The following JAM3 variants were observed in gnomAD, a reference collection of about 807,000 sequenced individuals.
JAM3 encodes junctional adhesion molecule 3, also known as junctional adhesion molecule C.
JAM3 carries 31 observed loss-of-function variants against 39.4 expected under a neutral mutation model. The observed-to-expected ratio is 0.79, with a 90% CI of 0.59 to 1.06. The LOEUF (loss-of-function observed/expected upper bound fraction) is 1.06, where lower values mean the gene tolerates loss of function less well. Among genes scored for constraint, JAM3 ranks in the 50% least tolerant of loss-of-function variants. JAM3 has a pLI of 0.00. For synonymous variants in JAM3, 182 were observed against 148.7 expected (o/e 1.22, Z -1.63); for missense variants, 455 against 391.4 (o/e 1.16, Z -1.37).
rs1327526294 is a variant in JAM3 at position 134,147,450 on chromosome 11, ACT to A, written c.713-1094_713-1093del. Among the ~76,000 whole-genome samples the A allele has an allele frequency of 8.7e-5, 9 of 103,156 alleles. No homozygotes were observed. In the East Asian group the frequency reaches 1.4e-3, roughly 17 times the overall value. 67.7% of individuals were successfully genotyped at this position (103,156 alleles called of 152,430 possible). On this transcript the variant is annotated intron_variant, in intron 6 of 8. Transcript: ENST00000299106. ...GCCTGGGTGACGGTGACGGAGCAAG[ACT>A]CTGTCTCAAAAAAAAAAAAAAAAAA...
At chr11:134,128,782 T>A (rs1942704970) in intron 1 of JAM3, among the ~76,000 whole-genome samples, 1 of 152,170 alleles carries the variant, frequency 6.6e-6, no homozygotes, top group Non-Finnish European at 1.5e-5. Context: ...TCTTAATAAA[T>A]CACCCAGTCT....
Position 134,069,154 on chromosome 11 carries a change from T to G in JAM3, c.71T>G (p.Phe24Cys). ...CCTGACTTCTTCCTGCTGCTGCTTT[T>G]CAGGGGTGAGTTTGCGCGTTTCCGC... The part of the protein sequence containing the change: ...RLPDFFLLLL[F>C]RGCLIGAVNL... Residue 24 changes from phenylalanine to cysteine, a missense_variant, in exon 1 of 9, where the codon TTC becomes TGC. By Grantham distance (205) the Phe-to-Cys change is radical. Coordinates refer to ENST00000299106, the MANE Select transcript of JAM3 (RefSeq NM_032801.5). The G allele has an allele frequency of 6.2e-7, 1 of 1,612,850 alleles. No homozygotes were observed. Among genetic ancestry groups the G allele is most frequent in the Non-Finnish European group, 8.5e-7 (1 of 1,179,362 alleles).
chr11:134,149,434 C>G lies in JAM3; in HGVS notation c.*253C>G. The stretch of plus-strand genomic sequence containing the variant: ...CTGGGTGCGTTCACTGAGTTGGGTT[C>G]CTAATCTGTTTCTGGCCTGATTCCC... On this transcript the variant is annotated 3_prime_UTR_variant, in exon 9 of 9. Coordinates refer to ENST00000299106, the MANE Select transcript of JAM3 (RefSeq NM_032801.5). The G allele has an allele frequency of 1.7e-6, 1 of 600,880 alleles. No individual in the cohort carries two copies. The highest frequency in any genetic ancestry group is 2.6e-5 in the Admixed American group (1 of 37,890). The allele number at this position is 600,880 out of a possible 1,614,324, so 37.2% of individuals were successfully genotyped here.
chr11:134,103,086 G>GA (rs961473920), intron 1 of JAM3, among the ~76,000 whole-genome samples: 1 of 152,108 alleles, frequency 6.6e-6, no homozygotes, highest in African/African-American at 2.4e-5. Flanking sequence ...TGAAATGAAG[G>GA]AAAAAATGTT....
intron 1 of JAM3, chr11:134,139,578 G>T: frequency 2.2e-6 from 1 of 459,276 alleles, no homozygotes; most frequent in Middle Eastern, 6.4e-4. Context: ...CTTAGACAAA[G>T]GCTTTAAAGC....
chr11:134,099,370 A>G (rs1360973532), intron 1 of JAM3, among the ~76,000 whole-genome samples: 1 of 151,942 alleles, frequency 6.6e-6, no homozygotes, highest in Non-Finnish European at 1.5e-5. Flanking sequence ...ATCTGTTTCT[A>G]TTTGCTTCAT....
In JAM3 at chr11:134,144,707, G is replaced by T. The variant is rs1943038840; in HGVS notation, c.410-85G>T. The T allele has an allele frequency of 3.9e-6, 5 of 1,266,478 alleles. No individual in the cohort carries two copies. In the East Asian group the frequency reaches 1.2e-4, roughly 29 times the overall value. 78.5% of individuals were successfully genotyped at this position (1,266,478 alleles called of 1,614,324 possible). A position where few individuals can be genotyped will look rare whatever the true frequency, so the allele number is the denominator to read the frequency against. ...TGGGAACCCCTCGACTGGCTGTCTT[G>T]TCTTTGGAGCTGATTTCTTCTGGGC... On this transcript the variant is annotated intron_variant, in intron 4 of 8. Coordinates refer to ENST00000299106, the MANE Select transcript of JAM3 (RefSeq NM_032801.5).
At chr11:134,117,358 C>T (rs1368912130) in intron 1 of JAM3, among the ~76,000 whole-genome samples, 1 of 150,386 alleles carries the variant, frequency 6.6e-6, no homozygotes, top group African/African-American at 2.5e-5. Flanking sequence ...GCCTGGGCGA[C>T]AAGAGCAAAA....
At position 134,151,060 on chromosome 11, in the gene JAM3, C is replaced by A. The variant is rs968648118; in HGVS notation, c.*1879C>A. On this transcript the variant is annotated 3_prime_UTR_variant, in exon 9 of 9. Coordinates refer to ENST00000299106, the MANE Select transcript of JAM3 (RefSeq NM_032801.5). ...GCCTCACATGCCCTGCCGTGCTGGA[C>A]TCAGGACTGAAGTGCTGTAAAGCAA... 7 of 152,296 alleles carry A rather than the reference C, an allele frequency of 4.6e-5. No individual in the cohort carries two copies. The highest frequency in any genetic ancestry group is 1.7e-4 in the African/African-American group (7 of 41,470). 9.4% of individuals were successfully genotyped at this position (152,296 alleles called of 1,614,324 possible).
At chr11:134,094,342 G>T (rs1302387121) in intron 1 of JAM3, among the ~76,000 whole-genome samples, 1 of 143,106 alleles carries the variant, frequency 7.0e-6, no homozygotes, top group Non-Finnish European at 1.5e-5. Flanking sequence ...TATTCATCAT[G>T]TTCCATCTTA....
chr11:134,099,864 C>T (rs1942043872), intron 1 of JAM3, among the ~76,000 whole-genome samples: 2 of 152,186 alleles, frequency 1.3e-5, no homozygotes, highest in South Asian at 4.1e-4. Context: ...CTTGGCCTCC[C>T]AAAGTGCTGG....
intron 1 of JAM3, among the ~76,000 whole-genome samples, chr11:134,134,800 G>A (rs1208817810): frequency 6.6e-6 from 1 of 152,132 alleles, no homozygotes. Flanking sequence ...ATCTTCTTTG[G>A]AGGCATGTCT....
At chr11:134,090,496 A>G (rs1290503064) in intron 1 of JAM3, among the ~76,000 whole-genome samples, 1 of 152,200 alleles carries the variant, frequency 6.6e-6, no homozygotes, top group Non-Finnish European at 1.5e-5. Flanking sequence ...GGAAAACTAG[A>G]TGAGAACAAA....
intron 1 of JAM3, among the ~76,000 whole-genome samples, chr11:134,076,143 TTTTC>T (rs199826690): frequency 1.4e-4 from 17 of 124,442 alleles, no homozygotes; most frequent in Admixed American, 2.3e-4. Context: ...TTTTCTTTTC[TTTTC>T]TTTCTTTTTT....
intron 1 of JAM3, among the ~76,000 whole-genome samples, chr11:134,103,817 A>T (rs1221958467): frequency 6.6e-6 from 1 of 152,228 alleles, no homozygotes; most frequent in Non-Finnish European, 1.5e-5. Context: ...TAACTATCCT[A>T]AATATATATG....
At chr11:134,104,223 A>T (rs1019506730) in intron 1 of JAM3, among the ~76,000 whole-genome samples, 11 of 152,250 alleles carry the variant, frequency 7.2e-5, no homozygotes, top group African/African-American at 2.7e-4. Context: ...CCACTTGACT[A>T]CATGGAAACT....
chr11:134,135,060 A>G (rs767380184), intron 1 of JAM3, among the ~76,000 whole-genome samples: 51 of 152,176 alleles, frequency 3.4e-4, no homozygotes, highest in Non-Finnish European at 6.2e-4. Flanking sequence ...GTTGTATCAA[A>G]TCATTGCCTA....
intron 1 of JAM3, among the ~76,000 whole-genome samples, chr11:134,102,836 C>G (rs1174138593): frequency 1.3e-5 from 2 of 152,100 alleles, no homozygotes; most frequent in Non-Finnish European, 2.9e-5. Context: ...GAAACAAACA[C>G]AACCTCCAAG....
chr11:134,114,216 A>G (rs1277695440), intron 1 of JAM3, among the ~76,000 whole-genome samples: 2 of 152,136 alleles, frequency 1.3e-5, no homozygotes, highest in African/African-American at 4.8e-5. Context: ...CCATTTGTCA[A>G]TTTTGGCTTT....
Sources: allele counts gnomAD v4.1 joint callset (sites outside exome capture counted in the v4.1 genomes callset), GRCh38; gene constraint gnomAD v4.1.1; transcripts MANE v1.5; gene names NCBI Gene and HGNC (gene_info 2026-07-23, HGNC 2026-07-21).